Variants in SYNM observed in about 807,000 individuals in gnomAD.
SYNM encodes the protein synemin, also known as desmuslin.
A neutral mutation model predicts 104.0 loss-of-function variants in SYNM; 95 were observed. The observed-to-expected ratio is 0.91, with a 90% confidence interval of 0.77 to 1.08. SYNM has a LOEUF of 1.08. Ranked by LOEUF, SYNM falls within the 50% of genes least tolerant of loss-of-function variation. The pLI is 0.00. For missense variants in SYNM, 2,150 were observed against 2,052.2 expected, an observed-to-expected ratio of 1.05 and a Z score of -0.92; for synonymous variants, 918 against 869.0, an observed-to-expected ratio of 1.06 and a Z score of -0.99.
In SYNM at chr15:99,129,535, G is replaced by C; in HGVS notation, c.1175G>C (p.Gly392Ala). ...TCTCAGACGGGCACATCTATTGGAG[G>C]TGATGCCAGAAGAGGCTTCTTGGGC... The part of the protein sequence containing the change: ...RGSQTGTSIG[G>A]DARRGFLGSG... The change falls in exon 4 of 4, where the codon GGT (glycine) becomes GCT (alanine). Residue 392 changes from glycine to alanine, a missense_variant. Transcript: ENST00000336292. The C allele has an allele frequency of 6.2e-7, 1 of 1,613,988 alleles. No individual in the cohort carries two copies. Among genetic ancestry groups the C allele is most frequent in the Non-Finnish European group, 8.5e-7 (1 of 1,179,896 alleles).
intron 2 of SYNM, among the ~76,000 whole-genome samples, chr15:99,114,460 T>C (rs1555483724): frequency 1.3e-5 from 2 of 151,916 alleles, no homozygotes; most frequent in Admixed American, 1.3e-4. Flanking sequence ...AGCCAAACCG[T>C]GTCACAGGAT....
intron 2 of SYNM, among the ~76,000 whole-genome samples, chr15:99,115,491 G>C (rs2067340293): frequency 7.8e-6 from 1 of 127,626 alleles, no homozygotes; most frequent in South Asian, 2.4e-4. Flanking sequence ...TTGAGATGGA[G>C]TCTTGCTCCA....
intron 1 of SYNM, among the ~76,000 whole-genome samples, chr15:99,106,276 A>G (rs968482399): frequency 6.6e-6 from 1 of 152,160 alleles, no homozygotes; most frequent in Non-Finnish European, 1.5e-5. Flanking sequence ...AACTCTTGAC[A>G]AGCGTGACTG....
At chr15:99,122,652 A>G (rs2151805113) in intron 2 of SYNM, among the ~76,000 whole-genome samples, 1 of 152,300 alleles carries the variant, frequency 6.6e-6, no homozygotes, top group South Asian at 2.1e-4. Context: ...CCTGGGCAAC[A>G]TGGTGAAACC....
At chr15:99,121,429 G>C (rs1280503868) in intron 2 of SYNM, among the ~76,000 whole-genome samples, 2 of 152,130 alleles carry the variant, frequency 1.3e-5, no homozygotes, top group Non-Finnish European at 2.9e-5. Flanking sequence ...AGGTGGCTGT[G>C]GTAGGAGGGA....
downstream of SYNM, chr15:99,139,617 T>A (rs8024435): frequency 7.4e-3 from 11,205 of 1,519,572 alleles, 652 homozygotes; most frequent in African/African-American, 0.14. Flanking sequence ...TTCACAAAAC[T>A]CTCTGTGACT....
At chr15:99,118,889 A>G (rs782688068) in intron 2 of SYNM, among the ~76,000 whole-genome samples, 1 of 152,104 alleles carries the variant, frequency 6.6e-6, no homozygotes, top group Non-Finnish European at 1.5e-5. Flanking sequence ...TTCCTCCTGC[A>G]TTGCGGGTGG....
At chr15:99,139,881 T>C, downstream of SYNM, 1 of 621,844 alleles carries the variant, frequency 1.6e-6, no homozygotes, top group Non-Finnish European at 2.4e-6. Context: ...GCTTATGGAC[T>C]ACCCAGGGCT....
At chr15:99,125,443 G>A (rs971694078) in intron 2 of SYNM, among the ~76,000 whole-genome samples, 10 of 152,218 alleles carry the variant, frequency 6.6e-5, no homozygotes, top group African/African-American at 2.4e-4. Context: ...CTCTGGACTC[G>A]GGCCTCTGCA....
At position 99,105,658 on chromosome 15, in the gene SYNM, G is replaced by A. The variant is rs1555482521; in HGVS notation, c.459G>A (p.Arg153=). Residue 153 remains arginine (R), a synonymous_variant, in exon 1 of 4, where the codon AGG becomes AGA. Transcript: ENST00000336292. ...ACGCGGCCCACGAACGCGACGTGAG[G>A]GAGCTGCGCGCGCGCGCCGCCAGCC... is the stretch of plus-strand genomic sequence containing the variant. ...GLDAAHERDV[R]ELRARAASLT... is the part of the protein sequence containing the mutation. The A allele has an allele frequency of 1.4e-6, 2 of 1,397,308 alleles. No homozygotes were observed. The highest frequency in any genetic ancestry group is 9.3e-7 in the Non-Finnish European group (1 of 1,076,618). The allele number at this position is 1,397,308 out of a possible 1,614,324, so 86.6% of individuals were successfully genotyped here. A position where few individuals can be genotyped will look rare whatever the true frequency, so the allele number is the denominator to read the frequency against.
intron 2 of SYNM, among the ~76,000 whole-genome samples, chr15:99,122,892 G>C (rs530912166): frequency 6.6e-6 from 1 of 152,276 alleles, no homozygotes; most frequent in African/African-American, 2.4e-5. Context: ...AGTACCTTTG[G>C]TTGCTGGTCA....
intron 2 of SYNM, among the ~76,000 whole-genome samples, chr15:99,119,435 G>A (rs1555484314): frequency 1.3e-5 from 2 of 152,340 alleles, no homozygotes; most frequent in South Asian, 2.1e-4. Flanking sequence ...TGGCCCAGGC[G>A]CAGGTAAGTG....
intron 1 of SYNM, among the ~76,000 whole-genome samples, chr15:99,107,591 C>A (rs2067258399): frequency 6.6e-6 from 1 of 152,180 alleles, no homozygotes; most frequent in Non-Finnish European, 1.5e-5. Flanking sequence ...TTCAGACCTT[C>A]AAATTCTGGT....
rs1555482627 is a variant in SYNM, at chr15:99,105,857, A to C, written c.658A>C (p.Arg220=). 2 of 1,541,522 alleles carry C rather than the reference A, an allele frequency of 1.3e-6. No homozygotes were observed. Among genetic ancestry groups the C allele is most frequent in the African/African-American group, 1.4e-5 (1 of 72,280 alleles). The change falls in exon 1 of 4, where the codon AGA becomes CGA. Residue 220 remains arginine (R), a synonymous_variant. Coordinates refer to ENST00000336292, the MANE Select transcript of SYNM (RefSeq NM_145728.3). ...GGCGCTGCGGCGCGGCCAGGAGAGC[A>C]GACTCCAGGCGGAGGAAGAGACGCG... ...EEALRRGQES[R]LQAEEETRLC...
chr15:99,111,494 C>T (rs1458214716), intron 1 of SYNM, among the ~76,000 whole-genome samples: 6 of 152,202 alleles, frequency 3.9e-5, no homozygotes, highest in Admixed American at 3.3e-4. Flanking sequence ...GCAGTGCTGT[C>T]ACTTACATCA....
At position 99,129,777 on chromosome 15, in the gene SYNM, C is replaced by T. The variant is rs782595494; in HGVS notation, c.1417C>T (p.Arg473Trp). The T allele has an allele frequency of 2.4e-5, 38 of 1,613,472 alleles. No homozygotes were observed. Among genetic ancestry groups the T allele is most frequent in the East Asian group, 2.0e-4 (9 of 44,872 alleles). ...EDSTIARESYRDRRDKVAAGA... is the reference protein window; with the variant it reads ...EDSTIARESYWDRRDKVAAGA... ...TTCCACAATTGCCCGCGAGTCGTACCGGGATCGCCGAGACAAGGTGGCAGC... is the reference window on the plus strand; with the variant it reads ...TTCCACAATTGCCCGCGAGTCGTACTGGGATCGCCGAGACAAGGTGGCAGC... The change falls in exon 4 of 4, where the codon CGG becomes TGG. Residue 473 changes from arginine to tryptophan, a missense_variant. By Grantham distance (101) the Arg-to-Trp change is moderately radical (BLOSUM62 -3). Transcript: ENST00000336292.
At chr15:99,137,939 C>T (rs572384951), downstream of SYNM, 31 of 1,582,326 alleles carry the variant, frequency 2.0e-5, no homozygotes, top group Admixed American at 2.1e-4. Context: ...ATTTTCTAGG[C>T]GGAGGTGATT....
At position 99,105,950 on chromosome 15, in the gene SYNM, C is replaced by T. The variant is rs1402523095; in HGVS notation, c.751C>T (p.Leu251=). 3.3e-6 allele frequency: 5 copies of T among 1,520,752 alleles called. No individual in the cohort carries two copies. Among genetic ancestry groups the T allele is most frequent in the Non-Finnish European group, 4.4e-6 (5 of 1,140,264 alleles). The allele number at this position is 1,520,752 out of a possible 1,614,324, so 94.2% of individuals were successfully genotyped here. The change falls in exon 1 of 4, where the codon CTG becomes TTG. Residue 251 remains leucine, a synonymous_variant. Transcript: ENST00000336292. ...CGGGTTGGAGCAGCTGCGCGCGCGG[C>T]TGGAGGACGCGCTGCTGCGGATGCG... The part of the protein sequence containing the change: ...ALGLEQLRAR[L]EDALLRMREE...
At chr15:99,117,524 C>G (rs1014045707) in intron 2 of SYNM, among the ~76,000 whole-genome samples, 1 of 152,214 alleles carries the variant, frequency 6.6e-6, no homozygotes, top group African/African-American at 2.4e-5. Context: ...TAGGTAATGC[C>G]CCATGCCAGA....
Sources: gnomAD v4.1 joint callset for allele counts (sites outside exome capture counted in the v4.1 genomes callset) on GRCh38, gnomAD v4.1.1 for gene constraint, MANE v1.5 for transcripts, NCBI Gene and HGNC (gene_info 2026-07-23, HGNC 2026-07-21) for gene names.